Variants in CUL1 observed in about 807,000 individuals in gnomAD.
The protein encoded by CUL1 is cullin-1.
A neutral mutation model predicts 118.0 loss-of-function variants in CUL1; 24 were observed. That is an observed-to-expected ratio of 0.20 (90% CI 0.15 to 0.29). The LOEUF (loss-of-function observed/expected upper bound fraction) is 0.29. Among genes scored for constraint, CUL1 ranks in the 10% least tolerant of loss-of-function variants. The pLI is 1.00. For synonymous variants in CUL1, 332 were observed against 340.4 expected, an observed-to-expected ratio of 0.98 and a Z score of 0.27; for missense variants, 361 against 933.8, an observed-to-expected ratio of 0.39 and a Z score of 7.99.
In CUL1 at chr7:148,800,328, C is replaced by T. The variant is rs1801344394; in HGVS notation, c.2251-174C>T. On this transcript the variant is annotated intron_variant, in intron 21 of 21. Coordinates refer to ENST00000325222, the MANE Select transcript of CUL1 (RefSeq NM_003592.3). The surrounding 1 kb of genome is among the most constrained non-coding windows in gnomAD (Gnocchi z 4.6). ...TGTCAGGGAGCTCCGTGCATGAAGGCTTAGCTGCCAGGAAGTAAAACTCTA... is the reference window on the plus strand; with the variant it reads ...TGTCAGGGAGCTCCGTGCATGAAGGTTTAGCTGCCAGGAAGTAAAACTCTA... Among the ~76,000 whole-genome samples, 1 of 152,176 alleles carries T rather than the reference C, an allele frequency of 6.6e-6. No individual in the cohort carries two copies. Among genetic ancestry groups the T allele is most frequent in the Non-Finnish European group, 1.5e-5 (1 of 68,032 alleles).
At chr7:148,727,690 G>C (rs1798632566) in intron 1 of CUL1, among the ~76,000 whole-genome samples, 1 of 152,080 alleles carries the variant, frequency 6.6e-6, no homozygotes, top group South Asian at 2.1e-4. Context: ...AAGAAGGGGA[G>C]GAACTCTCTA....
At chr7:148,753,937 G>T in intron 2 of CUL1, 39 bp from the exon 3 acceptor site, 1 of 1,464,258 alleles carries the variant, frequency 6.8e-7, no homozygotes, top group Non-Finnish European at 9.3e-7. Context: ...GACCGTTAAC[G>T]TCTGTGATAT....
At chr7:148,712,483 T>C (rs1358965996) in intron 1 of CUL1, among the ~76,000 whole-genome samples, 1 of 152,244 alleles carries the variant, frequency 6.6e-6, no homozygotes, top group Non-Finnish European at 1.5e-5. Flanking sequence ...TCATCAGTTA[T>C]CAAAGGTATT....
chr7:148,707,133 T>C (rs993126208), intron 1 of CUL1, among the ~76,000 whole-genome samples: 5 of 152,210 alleles, frequency 3.3e-5, no homozygotes, highest in African/African-American at 4.8e-5. Context: ...TAACATGTTT[T>C]GTAGAACACA....
chr7:148,754,138 A>G lies in CUL1; in HGVS notation c.303A>G (p.Thr101=). Residue 101 remains threonine (T), a synonymous_variant, in exon 3 of 22, where the codon ACA becomes ACG. Transcript: ENST00000325222. The part of the protein sequence containing the change: ...RLKEFLKNYL[T]NLLKDGEDLM... Reference sequence around the variant, plus strand: ...AGGAATTTTTGAAGAATTACTTGACAAATCTTCTTAAGGTAAGATGTTTTA... The same window carrying G: ...AGGAATTTTTGAAGAATTACTTGACGAATCTTCTTAAGGTAAGATGTTTTA... 6.2e-7 allele frequency: 1 copy of G among 1,601,184 alleles called. No homozygotes were observed. Among genetic ancestry groups the G allele is most frequent in the Non-Finnish European group, 8.5e-7 (1 of 1,171,900 alleles).
chr7:148,759,185 G>A, intron 4 of CUL1, 119 bp from the exon 5 acceptor site: 1 of 958,732 alleles, frequency 1.0e-6, no homozygotes. Flanking sequence ...AGCAGATTTT[G>A]ACCAACTTGT....
intron 2 of CUL1, among the ~76,000 whole-genome samples, chr7:148,737,793 G>C (rs1342455459): frequency 6.6e-6 from 1 of 151,626 alleles, no homozygotes; most frequent in Non-Finnish European, 1.5e-5. Flanking sequence ...TAGATACGGG[G>C]TTTCATGTTA....
intron 9 of CUL1, among the ~76,000 whole-genome samples, chr7:148,772,423 A>C (rs1331458204): frequency 3.1e-5 from 2 of 64,176 alleles, no homozygotes; most frequent in Non-Finnish European, 5.7e-5. Flanking sequence ...TCAAAAAAAA[A>C]ACAAAAAAAA....
intron 7 of CUL1, 48 bp from the exon 8 acceptor site, chr7:148,766,513 T>G: frequency 4.7e-6 from 7 of 1,503,126 alleles, no homozygotes; most frequent in Non-Finnish European, 6.3e-6. Context: ...ATTGTAACAG[T>G]TCTTTACCAA....
chr7:148,723,073 A>C (rs1798445472), intron 1 of CUL1, among the ~76,000 whole-genome samples: 1 of 151,420 alleles, frequency 6.6e-6, no homozygotes, highest in South Asian at 2.1e-4. Flanking sequence ...CCACAAACCC[A>C]TGAGGTGGGT....
intron 9 of CUL1, among the ~76,000 whole-genome samples, chr7:148,781,174 C>T (rs371037458): frequency 6.7e-5 from 10 of 149,092 alleles, no homozygotes; most frequent in African/African-American, 2.0e-4. Context: ...CTCCATCTCC[C>T]GGTTCAAGCG....
At chr7:148,734,444 A>G (rs543795239) in intron 2 of CUL1, among the ~76,000 whole-genome samples, 1 of 152,296 alleles carries the variant, frequency 6.6e-6, no homozygotes, top group East Asian at 1.9e-4. Context: ...GGGTTTCACC[A>G]TGTTGCCCAG....
intron 1 of CUL1, among the ~76,000 whole-genome samples, chr7:148,703,826 C>G (rs991452639): frequency 6.6e-6 from 1 of 152,000 alleles, no homozygotes; most frequent in Non-Finnish European, 1.5e-5. Context: ...CCACTGCGCC[C>G]GGCCGTGAGG....
chr7:148,737,205 G>A (rs62507053), intron 2 of CUL1, among the ~76,000 whole-genome samples: 1 of 149,706 alleles, frequency 6.7e-6, no homozygotes, highest in African/African-American at 2.5e-5. Flanking sequence ...TTTTTTTTTG[G>A]TGGGGTAGGC....
intron 7 of CUL1, among the ~76,000 whole-genome samples, chr7:148,762,155 C>G (rs1236305999): frequency 6.6e-6 from 1 of 152,188 alleles, no homozygotes; most frequent in East Asian, 1.9e-4. Context: ...CTGACACCTG[C>G]TTGCCCTGTA....
chr7:148,730,786 C>G (rs540014946), intron 2 of CUL1, among the ~76,000 whole-genome samples: 3 of 152,138 alleles, frequency 2.0e-5, no homozygotes, highest in African/African-American at 7.2e-5. Context: ...GATAGGACAT[C>G]GAGCAAAAGT....
chr7:148,702,148 T>G (rs1244317658), intron 1 of CUL1, among the ~76,000 whole-genome samples: 2 of 152,222 alleles, frequency 1.3e-5, no homozygotes, highest in Non-Finnish European at 2.9e-5. Flanking sequence ...AATTTCCTGT[T>G]TATAGGAGGT....
Position 148,800,664 on chromosome 7 carries a change from G to A in CUL1, c.*82G>A. Reference sequence around the variant, plus strand: ...ATGAAAACAACTCAAGTTCATAGCAGCCAGCCTGCCGCCATTGGACCTCCC... The same window carrying A: ...ATGAAAACAACTCAAGTTCATAGCAACCAGCCTGCCGCCATTGGACCTCCC... On this transcript the variant is annotated 3_prime_UTR_variant, in exon 22 of 22. Coordinates refer to ENST00000325222, the MANE Select transcript of CUL1 (RefSeq NM_003592.3). The surrounding 1 kb of genome is among the most constrained non-coding windows in gnomAD (Gnocchi z 4.6). 2 of 1,137,958 alleles carry A rather than the reference G, an allele frequency of 1.8e-6. No individual in the cohort carries two copies. Among genetic ancestry groups the A allele is most frequent in the Non-Finnish European group, 2.6e-6 (2 of 770,588 alleles). 70.5% of individuals were successfully genotyped at this position (1,137,958 alleles called of 1,614,324 possible). A position where few individuals can be genotyped will look rare whatever the true frequency, so the allele number is the denominator to read the frequency against.
chr7:148,798,527 A>G lies in CUL1; in HGVS notation c.2031-45A>G, dbSNP rs1318434389. On this transcript the variant is annotated intron_variant, in intron 19 of 21. Coordinates refer to ENST00000325222, the MANE Select transcript of CUL1 (RefSeq NM_003592.3). Reference sequence around the variant, plus strand: ...AAATAGAAAGCAGCCTTCACTGCCTACCTTTTAATATAATAGTGATCGGTT... The same window carrying G: ...AAATAGAAAGCAGCCTTCACTGCCTGCCTTTTAATATAATAGTGATCGGTT... 4 of 1,442,220 alleles carry G rather than the reference A, an allele frequency of 2.8e-6. No individual in the cohort carries two copies. In the East Asian group the frequency reaches 9.1e-5, roughly 33 times the overall value. 89.3% of individuals were successfully genotyped at this position (1,442,220 alleles called of 1,614,324 possible).
Sources: gnomAD v4.1 joint callset for allele counts (sites outside exome capture counted in the v4.1 genomes callset) on GRCh38, gnomAD v4.1.1 for gene constraint, Gnocchi (gnomAD v3.1) non-coding constraint, MANE v1.5 for transcripts, NCBI Gene and HGNC (gene_info 2026-07-23, HGNC 2026-07-21) for gene names.